Variants in HTR2C observed in about 807,000 individuals in gnomAD.
The protein encoded by HTR2C is 5-hydroxytryptamine receptor 2C, also known as 5-hydroxytryptamine (serotonin) receptor 2C, G protein-coupled.
A neutral mutation model predicts 21.0 loss-of-function variants in HTR2C; 5 were observed. That is an observed-to-expected ratio of 0.24 (90% CI 0.12 to 0.50). The LOEUF is 0.50. Among genes scored for constraint, HTR2C ranks in the 20% least tolerant of loss-of-function variants. The pLI is 0.98. For missense variants in HTR2C, 271 were observed against 371.2 expected (o/e 0.73, Z 2.22); for synonymous variants, 150 against 145.3 (o/e 1.03, Z -0.23).
chrX:114,638,498 C>T (rs1038050559), intron 2 of HTR2C, among the ~76,000 whole-genome samples: 2 of 21,043 alleles, frequency 9.5e-5, no homozygotes, highest in African/African-American at 2.7e-4. Context: ...TTATGTAATA[C>T]GTTTATTTAT....
chrX:114,876,414 T>TTTCC (rs2071135848), intron 5 of HTR2C, among the ~76,000 whole-genome samples: 1 of 51,328 alleles, frequency 1.9e-5, no homozygotes, highest in African/African-American at 6.5e-5. Context: ...CTTTCTTTCT[T>TTTCC]TTTCTTTCTT....
chrX:114,644,516 A>G (rs1258210324), intron 2 of HTR2C, among the ~76,000 whole-genome samples: 1 of 101,274 alleles, frequency 9.9e-6, no homozygotes, highest in Non-Finnish European at 2.0e-5. Flanking sequence ...TGGGATTACT[A>G]GAACCATTGC....
intron 5 of HTR2C, among the ~76,000 whole-genome samples, chrX:114,896,911 T>C (rs2071300774): frequency 8.9e-6 from 1 of 111,775 alleles, no homozygotes; most frequent in Non-Finnish European, 1.9e-5. Context: ...CATTTAATTT[T>C]TGTTCTCCTG....
chrX:114,651,377 G>T (rs1360282298), intron 2 of HTR2C, among the ~76,000 whole-genome samples: 1 of 111,530 alleles, frequency 9.0e-6, no homozygotes, highest in Non-Finnish European at 1.9e-5. Context: ...AGAGGGTATG[G>T]CTAGAGGGTA....
chrX:114,804,183 G>A (rs988612046), intron 4 of HTR2C, among the ~76,000 whole-genome samples: 1 of 111,562 alleles, frequency 9.0e-6, no homozygotes, highest in African/African-American at 3.3e-5. Flanking sequence ...TTGTGGAGGT[G>A]GTTACACCTA....
At chrX:114,747,756 G>C (rs782684673) in intron 4 of HTR2C, among the ~76,000 whole-genome samples, 7 of 112,587 alleles carry the variant, frequency 6.2e-5, no homozygotes, top group Non-Finnish European at 1.3e-4. Context: ...GGCCCACATG[G>C]CAAGGAATTG....
At chrX:114,742,544 G>A (rs1556425484) in intron 4 of HTR2C, among the ~76,000 whole-genome samples, 1 of 110,385 alleles carries the variant, frequency 9.1e-6, no homozygotes. Flanking sequence ...GCATTCTCAA[G>A]CAGATTTTAA....
At chrX:114,767,216 T>G (rs1175247712) in intron 4 of HTR2C, among the ~76,000 whole-genome samples, 2 of 111,111 alleles carry the variant, frequency 1.8e-5, no homozygotes, top group African/African-American at 6.5e-5. Context: ...CAAATGTGGT[T>G]TTTTGCCCTA....
intron 4 of HTR2C, among the ~76,000 whole-genome samples, chrX:114,789,567 G>T (rs1334517503): frequency 9.0e-6 from 1 of 110,831 alleles, no homozygotes; most frequent in African/African-American, 3.3e-5. Flanking sequence ...AAGTGATCTT[G>T]ATTGTTAAGA....
chrX:114,837,165 G>A (rs782639373), intron 4 of HTR2C, among the ~76,000 whole-genome samples: 1 of 111,858 alleles, frequency 8.9e-6, no homozygotes, highest in Non-Finnish European at 1.9e-5. Context: ...TGTTTACTGT[G>A]ATACATCTTC....
At chrX:114,739,585 C>G (rs1215086759) in intron 4 of HTR2C, among the ~76,000 whole-genome samples, 1 of 111,139 alleles carries the variant, frequency 9.0e-6, no homozygotes, top group Non-Finnish European at 1.9e-5. Flanking sequence ...CCCTAAAAGA[C>G]AAATGATTGA....
At chrX:114,670,488 T>G (rs782447742) in intron 2 of HTR2C, among the ~76,000 whole-genome samples, 3 of 111,643 alleles carry the variant, frequency 2.7e-5, no homozygotes, top group Non-Finnish European at 5.6e-5. Context: ...AAATCGTCTT[T>G]TATGTATTTG....
At chrX:114,665,376 T>C (rs1259279750) in intron 2 of HTR2C, among the ~76,000 whole-genome samples, 1 of 112,103 alleles carries the variant, frequency 8.9e-6, no homozygotes, top group African/African-American at 3.2e-5. Context: ...TCCAAAACAA[T>C]GGACTGGCAT....
At chrX:114,642,036 G>C (rs1374108297) in intron 2 of HTR2C, among the ~76,000 whole-genome samples, 1 of 111,619 alleles carries the variant, frequency 9.0e-6, no homozygotes, top group African/African-American at 3.3e-5. Flanking sequence ...GAAGATAATG[G>C]CTTCCAGCTC....
intron 2 of HTR2C, among the ~76,000 whole-genome samples, chrX:114,725,208 T>C (rs1458672771): frequency 1.8e-5 from 2 of 111,140 alleles, no homozygotes; most frequent in Non-Finnish European, 3.8e-5. Context: ...GGAGGCTTTG[T>C]TGGTTTCTTT....
At chrX:114,700,432 C>A (rs1932426936) in intron 2 of HTR2C, among the ~76,000 whole-genome samples, 1 of 111,657 alleles carries the variant, frequency 9.0e-6, no homozygotes, top group Non-Finnish European at 1.9e-5. Flanking sequence ...GGATCTGAAT[C>A]AATATAATGG....
intron 2 of HTR2C, among the ~76,000 whole-genome samples, chrX:114,683,908 C>CT (rs1379840705): frequency 8.9e-6 from 1 of 112,010 alleles, no homozygotes; most frequent in East Asian, 2.8e-4. Flanking sequence ...TGAGAATTAT[C>CT]TTTTTTACAC....
chrX:114,615,511 G>T (rs1292961831), intron 2 of HTR2C, among the ~76,000 whole-genome samples: 1 of 111,978 alleles, frequency 8.9e-6, no homozygotes, highest in Non-Finnish European at 1.9e-5. Context: ...TTTTCAATGC[G>T]TTGGTGAAAT....
chrX:114,894,195 C>A (rs924487803), intron 5 of HTR2C, among the ~76,000 whole-genome samples: 1 of 110,933 alleles, frequency 9.0e-6, no homozygotes, highest in Non-Finnish European at 1.9e-5. Context: ...TGTCTACACA[C>A]AAAAAAAATC....
Sources: allele counts gnomAD v4.1 joint callset (sites outside exome capture counted in the v4.1 genomes callset), GRCh38; gene constraint gnomAD v4.1.1; transcripts MANE v1.5; gene names NCBI Gene and HGNC (gene_info 2026-07-23, HGNC 2026-07-21).